TMCC1: variants seen among roughly 807,000 people sequenced by gnomAD.
TMCC1 encodes transmembrane and coiled-coil domains protein 1.
TMCC1 carries 15 observed loss-of-function variants against 52.4 expected under a neutral mutation model. That is an observed-to-expected ratio of 0.29 (90% CI 0.19 to 0.44). The LOEUF (loss-of-function observed/expected upper bound fraction) is 0.44. Among genes scored for constraint, TMCC1 ranks in the 20% least tolerant of loss-of-function variants. The pLI, the probability that TMCC1 is intolerant of heterozygous loss-of-function variation, is 1.00. For missense variants in TMCC1, 503 were observed against 806.0 expected, an observed-to-expected ratio of 0.62 and a Z score of 4.55; for synonymous variants, 279 against 301.9, an observed-to-expected ratio of 0.92 and a Z score of 0.79.
chr3:129,720,864 T>A (rs919066959), intron 4 of TMCC1, among the ~76,000 whole-genome samples: 3 of 151,872 alleles, frequency 2.0e-5, no homozygotes, highest in Non-Finnish European at 4.4e-5. Flanking sequence ...CTGGCTAATT[T>A]TTATTTTTTT....
intron 4 of TMCC1, among the ~76,000 whole-genome samples, chr3:129,685,042 A>G (rs1296212329): frequency 6.6e-6 from 1 of 152,180 alleles, no homozygotes; most frequent in Non-Finnish European, 1.5e-5. Context: ...GTATGACAGC[A>G]AAGTACTCTT....
At chr3:129,723,351 AATCTTT>A (rs1163831515) in intron 4 of TMCC1, among the ~76,000 whole-genome samples, 1 of 146,402 alleles carries the variant, frequency 6.8e-6, no homozygotes, top group Admixed American at 6.8e-5. Context: ...AGCACTAAGA[AATCTTT>A]TTCTTTTTTT....
intron 4 of TMCC1, among the ~76,000 whole-genome samples, chr3:129,690,426 T>C (rs1192430010): frequency 1.3e-5 from 2 of 152,210 alleles, no homozygotes; most frequent in Non-Finnish European, 2.9e-5. Context: ...ATTTAATCTT[T>C]TGTAAGATTA....
chr3:129,858,223 G>C (rs1393794561), intron 2 of TMCC1, among the ~76,000 whole-genome samples: 2 of 152,178 alleles, frequency 1.3e-5, no homozygotes, highest in African/African-American at 4.8e-5. Context: ...CTAAATGAAG[G>C]GAAGTTTTAC....
intron 4 of TMCC1, among the ~76,000 whole-genome samples, chr3:129,764,398 G>T (rs2053902839): frequency 6.6e-6 from 1 of 152,158 alleles, no homozygotes; most frequent in South Asian, 2.1e-4. Flanking sequence ...TTCATTGATA[G>T]TCCATACAAG....
intron 1 of TMCC1, among the ~76,000 whole-genome samples, chr3:129,882,044 G>A (rs2061484637): frequency 6.6e-6 from 1 of 151,874 alleles, no homozygotes; most frequent in African/African-American, 2.4e-5. Context: ...ACTCCACCAG[G>A]GCACAACAAA....
intron 4 of TMCC1, among the ~76,000 whole-genome samples, chr3:129,692,338 T>C (rs184413824): frequency 1.6e-4 from 25 of 152,338 alleles, no homozygotes; most frequent in African/African-American, 5.0e-4. Flanking sequence ...ATCTCCAGGA[T>C]CTTATGGTAA....
intron 4 of TMCC1, among the ~76,000 whole-genome samples, chr3:129,817,405 A>T (rs2058152146): frequency 6.6e-6 from 1 of 152,122 alleles, no homozygotes; most frequent in Admixed American, 6.6e-5. Context: ...GCCGTGATCA[A>T]ACTACTGCAC....
intron 4 of TMCC1, among the ~76,000 whole-genome samples, chr3:129,769,827 C>G (rs1256965233): frequency 6.6e-6 from 1 of 152,132 alleles, no homozygotes; most frequent in Non-Finnish European, 1.5e-5. Flanking sequence ...ATAAGCTATA[C>G]TGATTTAAAG....
chr3:129,782,351 T>C (rs2055602602), intron 4 of TMCC1, among the ~76,000 whole-genome samples: 1 of 152,068 alleles, frequency 6.6e-6, no homozygotes, highest in Non-Finnish European at 1.5e-5. Context: ...TGACTAGTGA[T>C]AGTGAGGTGT....
At chr3:129,747,520 CA>C (rs901307237) in intron 4 of TMCC1, among the ~76,000 whole-genome samples, 89 of 152,248 alleles carry the variant, frequency 5.8e-4, no homozygotes, top group African/African-American at 2.1e-3. Flanking sequence ...TCTAATACCA[CA>C]AGGTTTATTG....
intron 4 of TMCC1, among the ~76,000 whole-genome samples, chr3:129,705,402 A>G (rs1354768802): frequency 6.6e-6 from 1 of 151,994 alleles, no homozygotes; most frequent in Non-Finnish European, 1.5e-5. Context: ...GCAGGGGAGT[A>G]GTGTGGGGAG....
intron 4 of TMCC1, among the ~76,000 whole-genome samples, chr3:129,672,702 G>T (rs932794233): frequency 2.0e-5 from 3 of 152,162 alleles, no homozygotes; most frequent in South Asian, 4.1e-4. Flanking sequence ...CCCAGTATAA[G>T]TGCCAAATTA....
intron 4 of TMCC1, among the ~76,000 whole-genome samples, chr3:129,701,619 G>C (rs182153298): frequency 2.0e-5 from 3 of 152,228 alleles, no homozygotes; most frequent in Admixed American, 2.0e-4. Flanking sequence ...GAGGGCAAGA[G>C]AGGCTTTTGT....
At chr3:129,787,074 G>A (rs1315801126) in intron 4 of TMCC1, among the ~76,000 whole-genome samples, 2 of 152,064 alleles carry the variant, frequency 1.3e-5, no homozygotes, top group Non-Finnish European at 2.9e-5. Flanking sequence ...GCTATCAAAA[G>A]TCATTTTTCT....
At chr3:129,762,599 G>A (rs563660472) in intron 4 of TMCC1, among the ~76,000 whole-genome samples, 1 of 152,054 alleles carries the variant, frequency 6.6e-6, no homozygotes, top group Non-Finnish European at 1.5e-5. Flanking sequence ...ACCAGCCTAA[G>A]CAACATATTG....
rs373937665 is a variant in TMCC1, at chr3:129,667,911, G to C, written c.1511+2419C>G. 9.2e-5 allele frequency among the ~76,000 whole-genome samples: 14 copies of C among 152,282 alleles called. No homozygotes were observed. In the East Asian group the frequency reaches 1.9e-3, roughly 21 times the overall value. On this transcript the variant is annotated intron_variant, in intron 5 of 6. Coordinates refer to ENST00000393238, the MANE Select transcript of TMCC1 (RefSeq NM_001017395.5). ...CATTCAAAATAGAGGAGTTGACGGG[G>C]TATGGTGACTCATACCTGTAATCCC...
At chr3:129,848,223 T>A (rs1261614341) in intron 2 of TMCC1, 2 of 152,224 alleles carry the variant, frequency 1.3e-5, no homozygotes, top group Non-Finnish European at 2.9e-5. Flanking sequence ...TCTTAAGAAA[T>A]CTTTGCCTAC....
intron 3 of TMCC1, among the ~76,000 whole-genome samples, chr3:129,829,473 A>G (rs868394341): frequency 3.8e-4 from 39 of 103,270 alleles, no homozygotes; most frequent in Non-Finnish European, 4.7e-4. Context: ...AAAAAAAAAA[A>G]GGGAGGGGGG....
Sources: allele counts gnomAD v4.1 joint callset (sites outside exome capture counted in the v4.1 genomes callset), GRCh38; gene constraint gnomAD v4.1.1; transcripts MANE v1.5; gene names NCBI Gene and HGNC (gene_info 2026-07-23, HGNC 2026-07-21).